Variants in NFYC observed in about 807,000 individuals in gnomAD.
The protein encoded by NFYC is CAAT box DNA-binding protein subunit C.
A neutral mutation model predicts 53.1 loss-of-function variants in NFYC; 25 were observed. The observed-to-expected ratio is 0.47, with a 90% CI of 0.34 to 0.66. NFYC has a LOEUF of 0.66. NFYC is among the 30% of genes least tolerant of loss of function. The probability of loss-of-function intolerance (pLI) is 0.01; values close to 1 mark genes in which losing one functional copy is unlikely to be tolerated. For synonymous variants in NFYC, 145 were observed against 152.6 expected, an observed-to-expected ratio of 0.95 and a Z score of 0.37; for missense variants, 260 against 422.7, an observed-to-expected ratio of 0.62 and a Z score of 3.38.
rs143196147 is a variant in NFYC at position 40,718,231 on chromosome 1, C to T, written c.-8-20605C>T. Among the ~76,000 whole-genome samples, 46 of 152,312 alleles carry T rather than the reference C, an allele frequency of 3.0e-4. 1 individual carries two copies. The East Asian group carries it at 8.5e-3, about 28-fold the overall frequency. On this transcript the variant is annotated intron_variant, in intron 1 of 9. Transcript: ENST00000447388. ...ATAGTTAGTGAAGTGATTTCATACT[C>T]ATTCTCTTATTTGGTATCTACCTAA... is the stretch of plus-strand genomic sequence containing the variant.
At chr1:40,766,972 C>T (rs1646843516) in intron 8 of NFYC, 1 of 1,552,014 alleles carries the variant, frequency 6.4e-7, no homozygotes. Context: ...AGAAACCTTA[C>T]AGGTGTGCAC....
intron 1 of NFYC, among the ~76,000 whole-genome samples, chr1:40,726,859 C>G (rs902732417): frequency 6.6e-6 from 1 of 152,212 alleles, no homozygotes; most frequent in African/African-American, 2.4e-5. Flanking sequence ...AGTTTGTCCT[C>G]TCAAATCCTG....
intron 4 of NFYC, among the ~76,000 whole-genome samples, chr1:40,752,431 A>G (rs1389574020): frequency 1.3e-5 from 2 of 152,144 alleles, no homozygotes; most frequent in Admixed American, 1.3e-4. Context: ...TAATTTTATT[A>G]TTCAAAGAAA....
intron 1 of NFYC, among the ~76,000 whole-genome samples, chr1:40,724,605 T>A (rs1644445242): frequency 6.6e-6 from 1 of 152,182 alleles, no homozygotes; most frequent in South Asian, 2.1e-4. Flanking sequence ...TGAGTAAGAA[T>A]GTGTGTGAAG....
At chr1:40,722,181 T>TATAA (rs925014737) in intron 1 of NFYC, among the ~76,000 whole-genome samples, 1 of 151,704 alleles carries the variant, frequency 6.6e-6, no homozygotes, top group African/African-American at 2.4e-5. Flanking sequence ...AAAAAATATA[T>TATAA]ATAAATAAAT....
At chr1:40,733,836 C>T (rs1644891586) in intron 1 of NFYC, among the ~76,000 whole-genome samples, 1 of 151,966 alleles carries the variant, frequency 6.6e-6, no homozygotes, top group African/African-American at 2.4e-5. Flanking sequence ...CTCCGCTTCC[C>T]AGGTTCCAGT....
chr1:40,730,459 G>T (rs1048362491), intron 1 of NFYC: 18 of 568,552 alleles, frequency 3.2e-5, no homozygotes, highest in Non-Finnish European at 3.8e-5. Context: ...AGGGAGGCCC[G>T]AGGTGGGAAT....
At chr1:40,743,400 G>C (rs1213120991) in intron 2 of NFYC, among the ~76,000 whole-genome samples, 1 of 152,246 alleles carries the variant, frequency 6.6e-6, no homozygotes, top group African/African-American at 2.4e-5. Flanking sequence ...TTCGTGTTGA[G>C]TTTTGCCCCA....
At position 40,714,796 on chromosome 1, in the gene NFYC, G is replaced by C. The variant is rs1012456302; in HGVS notation, c.-9+22929G>C. 5.3e-5 allele frequency among the ~76,000 whole-genome samples: 8 copies of C among 152,070 alleles called. 1 individual carries two copies. Among genetic ancestry groups the C allele is most frequent in the South Asian group, 2.1e-4 (1 of 4,828 alleles). Reference sequence around the variant, plus strand: ...GCCTGGCTAATTAAAAAAAAATTTTGAGGGCAGGGCGTGGTGGCTCACGCC... The same window carrying C: ...GCCTGGCTAATTAAAAAAAAATTTTCAGGGCAGGGCGTGGTGGCTCACGCC... On this transcript the variant is annotated intron_variant, in intron 1 of 9. Coordinates refer to ENST00000447388, the MANE Select transcript of NFYC (RefSeq NM_014223.5).
chr1:40,733,036 A>ATTC (rs1208176890), intron 1 of NFYC, among the ~76,000 whole-genome samples: 1 of 101,484 alleles, frequency 9.9e-6, no homozygotes, highest in Non-Finnish European at 1.8e-5. Context: ...TTTTTTCCTG[A>ATTC]AAGGCCATAC....
intron 1 of NFYC, among the ~76,000 whole-genome samples, chr1:40,697,175 G>A (rs1173755473): frequency 6.6e-6 from 1 of 152,214 alleles, no homozygotes; most frequent in African/African-American, 2.4e-5. Context: ...ATAATAGCGT[G>A]TGGTAGATGC....
rs557426939 is a variant in NFYC at position 40,736,756 on chromosome 1, C to T, written c.-8-2080C>T. Among the ~76,000 whole-genome samples, 7 of 136,296 alleles carry T rather than the reference C, an allele frequency of 5.1e-5. No homozygotes were observed. In the South Asian group the frequency reaches 1.4e-3, roughly 27 times the overall value. The allele number at this position is 136,296 out of a possible 152,430, so 89.4% of individuals were successfully genotyped here. ...TGACATGACGCTCAAAGGAAATGCT[C>T]ATTTTCGATTTTGGATTTTCAGATT... On this transcript the variant is annotated intron_variant, in intron 1 of 9. Transcript: ENST00000447388.
At chr1:40,749,161 A>C (rs1409615734) in intron 3 of NFYC, among the ~76,000 whole-genome samples, 2 of 152,166 alleles carry the variant, frequency 1.3e-5, no homozygotes, top group African/African-American at 4.8e-5. Flanking sequence ...AAAAAGCCCA[A>C]AAGGATGGGA....
intron 1 of NFYC, among the ~76,000 whole-genome samples, chr1:40,721,967 G>C (rs534207471): frequency 6.6e-6 from 1 of 152,020 alleles, no homozygotes; most frequent in Non-Finnish European, 1.5e-5. Flanking sequence ...TCAGGAGATG[G>C]AGACCATCCT....
intron 5 of NFYC, 96 bp from the exon 6 acceptor site, chr1:40,758,025 C>CTG: frequency 7.2e-7 from 1 of 1,384,342 alleles, no homozygotes; most frequent in Non-Finnish European, 1.0e-6. Context: ...CAGCAGGCAA[C>CTG]TGCACATAGC....
intron 1 of NFYC, chr1:40,712,629 A>G (rs1414165394): frequency 6.9e-6 from 1 of 145,156 alleles, no homozygotes; most frequent in African/African-American, 2.5e-5. Flanking sequence ...CCTGCTGTAT[A>G]GTAAGCAAGT....
intron 1 of NFYC, chr1:40,709,309 T>C (rs550452867): frequency 6.6e-6 from 1 of 152,306 alleles, no homozygotes; most frequent in African/African-American, 2.4e-5. Context: ...TGGTGTCAAA[T>C]AGCATGCTAG....
intron 5 of NFYC, chr1:40,754,580 G>T (rs1646107375): frequency 5.3e-6 from 2 of 377,490 alleles, no homozygotes. Flanking sequence ...TCTTCCTTCA[G>T]AACAAAGAGT....
chr1:40,763,318 A>G (rs1040317116), intron 7 of NFYC: 3 of 470,744 alleles, frequency 6.4e-6, no homozygotes, highest in Non-Finnish European at 1.3e-5. Context: ...ATATATATAT[A>G]GAGATATATA....
Sources: allele counts gnomAD v4.1 joint callset (sites outside exome capture counted in the v4.1 genomes callset), GRCh38; gene constraint gnomAD v4.1.1; transcripts MANE v1.5; gene names NCBI Gene and HGNC (gene_info 2026-07-23, HGNC 2026-07-21).